OTULINL: variants seen among roughly 807,000 people sequenced by gnomAD.
The protein encoded by OTULINL is inactive ubiquitin thioesterase OTULINL.
OTULINL carries 42 observed loss-of-function variants against 43.9 expected under a neutral mutation model. The observed-to-expected ratio is 0.96, with a 90% CI of 0.75 to 1.24. The LOEUF (loss-of-function observed/expected upper bound fraction) is 1.24, where lower values mean the gene tolerates loss of function less well. OTULINL is among the 50% of genes most tolerant of loss of function. The probability of loss-of-function intolerance (pLI) is 0.00; values close to 1 mark genes in which losing one functional copy is unlikely to be tolerated. For synonymous variants in OTULINL, 172 were observed against 153.6 expected, an observed-to-expected ratio of 1.12 and a Z score of -0.88; for missense variants, 411 against 426.4, an observed-to-expected ratio of 0.96 and a Z score of 0.32.
At chr5:14,586,126 A>G (rs1015742782) in intron 1 of OTULINL, among the ~76,000 whole-genome samples, 1 of 152,242 alleles carries the variant, frequency 6.6e-6, no homozygotes, top group African/African-American at 2.4e-5. Flanking sequence ...AAATCCTTCC[A>G]TTCTCTTCTG....
rs1759606297 is a variant in OTULINL, at chr5:14,612,918, T to C, written c.*2604T>C. 1.1e-5 allele frequency among the ~76,000 whole-genome samples: 1 copy of C among 89,262 alleles called. No homozygotes were observed. Among genetic ancestry groups the C allele is most frequent in the Non-Finnish European group, 2.3e-5 (1 of 44,244 alleles). The allele number at this position is 89,262 out of a possible 152,430, so 58.6% of individuals were successfully genotyped here. On this transcript the variant is annotated 3_prime_UTR_variant, in exon 8 of 8. Transcript: ENST00000274217. The stretch of plus-strand genomic sequence containing the variant: ...TAAAATACACATAACATATAGTTTA[T>C]ATTTTAACAATTTTTTTTTTTGAGA...
In OTULINL at chr5:14,581,974, G is replaced by T; in HGVS notation, c.64+16G>T. The T allele has an allele frequency of 7.9e-7, 1 of 1,267,820 alleles. No homozygotes were observed. Among genetic ancestry groups the T allele is most frequent in the South Asian group, 2.6e-5 (1 of 38,812 alleles). The allele number at this position is 1,267,820 out of a possible 1,614,324, so 78.5% of individuals were successfully genotyped here. The stretch of plus-strand genomic sequence containing the variant: ...CCCGCCGCAGGTGAGCCTGGGGCCG[G>T]GCGGGGCGGGGCGGGGGGCGCGAGC... On this transcript the variant is annotated intron_variant, in intron 1 of 7. Coordinates refer to ENST00000274217, the MANE Select transcript of OTULINL (RefSeq NM_019018.3).
intron 1 of OTULINL, among the ~76,000 whole-genome samples, chr5:14,590,465 A>G (rs1016065091): frequency 2.0e-5 from 3 of 152,202 alleles, no homozygotes; most frequent in African/African-American, 4.8e-5. Context: ...GCAATGTTCT[A>G]TAAAGTTTGA....
intron 1 of OTULINL, among the ~76,000 whole-genome samples, chr5:14,598,195 G>T (rs1430153316): frequency 5.9e-5 from 9 of 152,188 alleles, no homozygotes; most frequent in African/African-American, 2.2e-4. Context: ...TGTCCGTGGA[G>T]GGGGCAGCAG....
At chr5:14,597,684 A>G (rs560311860) in intron 1 of OTULINL, among the ~76,000 whole-genome samples, 1 of 152,244 alleles carries the variant, frequency 6.6e-6, no homozygotes, top group Non-Finnish European at 1.5e-5. Context: ...TAGATCCTAT[A>G]CATGGCTATA....
At chr5:14,583,033 G>A (rs1422862534) in intron 1 of OTULINL, among the ~76,000 whole-genome samples, 1 of 152,108 alleles carries the variant, frequency 6.6e-6, no homozygotes, top group African/African-American at 2.4e-5. Context: ...ATTTTGGGAG[G>A]ATTCCGTTTC....
At position 14,604,417 on chromosome 5, in the gene OTULINL, C is replaced by A. The variant is rs189187590; in HGVS notation, c.498+2085C>A. ...CATATTATTCCACCCCTGGCCCCTC[C>A]CAAATCTCACATCTTCACATTTCAA... is the stretch of plus-strand genomic sequence containing the variant. On this transcript the variant is annotated intron_variant, in intron 5 of 7. Transcript: ENST00000274217. Among the ~76,000 whole-genome samples, 3 of 152,224 alleles carry A rather than the reference C, an allele frequency of 2.0e-5. No individual in the cohort carries two copies. In the East Asian group the frequency reaches 5.8e-4, roughly 29 times the overall value.
At position 14,613,801 on chromosome 5, in the gene OTULINL, A is replaced by G. The variant is rs1685360361; in HGVS notation, c.*3487A>G. ...GACTAAGCTGGTGGAGGATGGGCTC[A>G]ACCTCCATGAGAGAAGAGCAGCCAG... On this transcript the variant is annotated 3_prime_UTR_variant, in exon 8 of 8. Coordinates refer to ENST00000274217, the MANE Select transcript of OTULINL (RefSeq NM_019018.3). Among the ~76,000 whole-genome samples the G allele has an allele frequency of 6.6e-6, 1 of 152,214 alleles. No homozygotes were observed. The highest frequency in any genetic ancestry group is 2.4e-5 in the African/African-American group (1 of 41,452).
intron 1 of OTULINL, among the ~76,000 whole-genome samples, chr5:14,582,759 G>T (rs1415323217): frequency 1.4e-5 from 2 of 142,576 alleles, no homozygotes; most frequent in Non-Finnish European, 3.0e-5. Context: ...AGGTTGCAGT[G>T]AGCCGAGATT....
chr5:14,595,640 C>CTTTTTT (rs61482298), intron 1 of OTULINL, among the ~76,000 whole-genome samples: 4 of 57,110 alleles, frequency 7.0e-5, no homozygotes, highest in Non-Finnish European at 1.3e-4. Flanking sequence ...AAAAACGGTG[C>CTTTTTT]TTTTTTTTTT....
At chr5:14,591,121 A>G (rs1337672928) in intron 1 of OTULINL, among the ~76,000 whole-genome samples, 1 of 152,174 alleles carries the variant, frequency 6.6e-6, no homozygotes, top group Non-Finnish European at 1.5e-5. Context: ...TGAGAGTTGA[A>G]CCAGACCACG....
chr5:14,600,243 G>A lies in OTULINL; in HGVS notation c.65-722G>A, dbSNP rs191006829. On this transcript the variant is annotated intron_variant, in intron 1 of 7. Transcript: ENST00000274217. ...TTGCTTGACACTTCTCCTACCTGCT[G>A]CCATATGAAGAAGGATGTGTTTGCT... is the stretch of plus-strand genomic sequence containing the variant. Among the ~76,000 whole-genome samples, 240 of 152,268 alleles carry A rather than the reference G, an allele frequency of 1.6e-3. 2 individuals are homozygous for A. Among genetic ancestry groups the A allele is most frequent in the Middle Eastern group, 3.4e-3 (1 of 294 alleles).
At chr5:14,590,619 C>T (rs1759184095) in intron 1 of OTULINL, among the ~76,000 whole-genome samples, 1 of 152,092 alleles carries the variant, frequency 6.6e-6, no homozygotes, top group South Asian at 2.1e-4. Flanking sequence ...AGTGTGGTCC[C>T]ATCAGCAAGA....
At chr5:14,594,030 C>A (rs1394156211) in intron 1 of OTULINL, among the ~76,000 whole-genome samples, 1 of 152,154 alleles carries the variant, frequency 6.6e-6, no homozygotes, top group East Asian at 1.9e-4. Flanking sequence ...ACTGTCATTT[C>A]TTATTGAGCA....
intron 4 of OTULINL, among the ~76,000 whole-genome samples, chr5:14,601,763 A>G (rs557106309): frequency 2.0e-5 from 3 of 152,350 alleles, no homozygotes; most frequent in African/African-American, 7.2e-5. Context: ...TGAAAAGATC[A>G]GGCACCCTGA....
intron 1 of OTULINL, among the ~76,000 whole-genome samples, chr5:14,584,473 C>T (rs771681399): frequency 4.6e-5 from 7 of 152,018 alleles, no homozygotes; most frequent in Non-Finnish European, 7.4e-5. Context: ...TTTTGCTGTT[C>T]TAGGTGAGGT....
rs1759600100 is a variant in OTULINL, at chr5:14,612,584, TTTTG to T, written c.*2278_*2281del. The stretch of plus-strand genomic sequence containing the variant: ...GGAGGAGGTATGAGGTGTTGTGTTG[TTTTG>T]TTTGTTTTTATTCAGTTGTATAATG... On this transcript the variant is annotated 3_prime_UTR_variant, in exon 8 of 8. Transcript: ENST00000274217. The T allele has an allele frequency of 6.6e-6, 1 of 152,234 alleles. No individual in the cohort carries two copies. The highest frequency in any genetic ancestry group is 1.5e-5 in the Non-Finnish European group (1 of 68,030). The allele number at this position is 152,234 out of a possible 1,614,324, so 9.4% of individuals were successfully genotyped here.
intron 4 of OTULINL, 53 bp from the exon 5 acceptor site, chr5:14,602,130 T>C: frequency 7.0e-7 from 1 of 1,422,894 alleles, no homozygotes; most frequent in East Asian, 2.5e-5. Flanking sequence ...GAATTCACTT[T>C]ATTTTCTTGT....
intron 4 of OTULINL, among the ~76,000 whole-genome samples, chr5:14,601,832 C>T (rs1759394032): frequency 1.3e-5 from 2 of 152,216 alleles, no homozygotes; most frequent in South Asian, 4.1e-4. Flanking sequence ...TAAATATCCC[C>T]AGCAGTGCTG....
Sources: gnomAD v4.1 joint callset for allele counts (sites outside exome capture counted in the v4.1 genomes callset) on GRCh38, gnomAD v4.1.1 for gene constraint, MANE v1.5 for transcripts, NCBI Gene and HGNC (gene_info 2026-07-23, HGNC 2026-07-21) for gene names.